ITGB4: variants seen among roughly 807,000 people sequenced by gnomAD.
The protein encoded by ITGB4 is integrin beta-4.
In ITGB4, 159 loss-of-function variants were observed where a neutral mutation model predicts 207.6. That is an observed-to-expected ratio of 0.77 (90% CI 0.67 to 0.87). The LOEUF (loss-of-function observed/expected upper bound fraction) is 0.87. Among genes scored for constraint, ITGB4 ranks in the 40% least tolerant of loss-of-function variants. The pLI, the probability that ITGB4 is intolerant of heterozygous loss-of-function variation, is 0.00. For synonymous variants in ITGB4, 1,020 were observed against 1,062.7 expected (o/e 0.96, Z 0.78); for missense variants, 2,278 against 2,546.8 (o/e 0.89, Z 2.27).
In ITGB4 at chr17:75,757,280, C is replaced by A; in HGVS notation, c.5299C>A (p.His1767Asn). The change falls in exon 39 of 40, where the codon CAC becomes AAC. Residue 1767 changes from histidine to asparagine, a missense_variant. By Grantham distance (68) the His-to-Asn change is moderately conservative. Coordinates refer to ENST00000200181, the MANE Select transcript of ITGB4 (RefSeq NM_000213.5). ...QSEYSSITTT[H>N]TSATEPFLVD... ...CGAGTACAGCAGCATCACCACCACC[C>A]ACACCAGCGCCACCGAGCCCTTCCT... 6.2e-7 allele frequency: 1 copy of A among 1,611,126 alleles called. No individual in the cohort carries two copies.
Position 75,752,125 on chromosome 17 carries a change from G to A in ITGB4, c.3794-49G>A, listed in dbSNP as rs369850874. On this transcript the variant is annotated intron_variant, in intron 30 of 39. Transcript: ENST00000200181. ...CCTGCTGTGTCAGGGGTGGTGTTGG[G>A]ACCAGGCTGGGACCTGGGTGACCCT... 244 of 1,590,916 alleles carry A rather than the reference G, an allele frequency of 1.5e-4. 1 individual carries two copies. Among genetic ancestry groups the A allele is most frequent in the Non-Finnish European group, 2.1e-4 (239 of 1,159,628 alleles).
chr17:75,752,542 C>T lies in ITGB4; in HGVS notation c.4073C>T (p.Ser1358Leu), dbSNP rs368526254. 2.8e-5 allele frequency: 45 copies of T among 1,613,614 alleles called. No individual in the cohort carries two copies. Among genetic ancestry groups the T allele is most frequent in the Admixed American group, 1.5e-4 (9 of 60,028 alleles). Residue 1358 changes from serine to leucine, a missense_variant, in exon 32 of 40, where the codon TCG (serine) becomes TTG (leucine). By Grantham distance (145) the Ser-to-Leu change is moderately radical (BLOSUM62 -2). Coordinates refer to ENST00000200181, the MANE Select transcript of ITGB4 (RefSeq NM_000213.5). ...MYSDDVLRSP[S>L]GSQRPSVSDD... ...AGCGATGACGTTCTACGCTCTCCAT[C>T]GGGCAGCCAGAGGCCCAGCGTCTCC...
rs2061046429 is a variant in ITGB4, at chr17:75,739,042, C to T, written c.2221-630C>T. Among the ~76,000 whole-genome samples, 1 of 151,726 alleles carries T rather than the reference C, an allele frequency of 6.6e-6. No homozygotes were observed. Among genetic ancestry groups the T allele is most frequent in the Non-Finnish European group, 1.5e-5 (1 of 67,910 alleles). On this transcript the variant is annotated intron_variant, in intron 18 of 39. Transcript: ENST00000200181. This position sits in a 1 kb window ranked among gnomAD's most constrained non-coding sequence, Gnocchi z 5.4. Reference sequence around the variant, plus strand: ...AAGTTACAGTGGCTCACACTTGTAACCCCAGCACTTTGGGAGGCCAAGGCG... The same window carrying T: ...AAGTTACAGTGGCTCACACTTGTAATCCCAGCACTTTGGGAGGCCAAGGCG...
At position 75,753,797 on chromosome 17, in the gene ITGB4, G is replaced by A. The variant is rs1396333869; in HGVS notation, c.4141G>A (p.Glu1381Lys). 6.8e-7 allele frequency: 1 copy of A among 1,461,984 alleles called. No homozygotes were observed. The highest frequency in any genetic ancestry group is 2.7e-5 in the East Asian group (1 of 36,404). The allele number at this position is 1,461,984 out of a possible 1,614,324, so 90.6% of individuals were successfully genotyped here. Residue 1381 changes from glutamate to lysine, a missense_variant, in exon 33 of 40, where the codon GAG (glutamate) becomes AAG (lysine). By Grantham distance (56) the Glu-to-Lys change is moderately conservative. Coordinates refer to ENST00000200181, the MANE Select transcript of ITGB4 (RefSeq NM_000213.5). ...CGWKFEPLLG[E>K]ELDLRRVTWR... Reference sequence around the variant, plus strand: ...CTGGAAGTTCGAGCCCCTGCTGGGGGAGGAGCTGGACCTGCGGCGCGTCAC... The same window carrying A: ...CTGGAAGTTCGAGCCCCTGCTGGGGAAGGAGCTGGACCTGCGGCGCGTCAC...
intron 1 of ITGB4, among the ~76,000 whole-genome samples, chr17:75,723,749 C>A (rs925773257): frequency 5.3e-5 from 8 of 152,242 alleles, no homozygotes; most frequent in Non-Finnish European, 1.0e-4. Flanking sequence ...ATGGGGAGGG[C>A]CCGTGGGCAG....
In ITGB4 at chr17:75,743,767, A is replaced by T. The variant is rs371525263; in HGVS notation, c.3017A>T (p.Gln1006Leu). The change falls in exon 26 of 40, where the codon CAG (glutamine) becomes CTG (leucine). Residue 1006 changes from glutamine (Q) to leucine (L), a missense_variant. Gln to Leu is a moderately radical substitution (Grantham distance 113, BLOSUM62 -2). Transcript: ENST00000200181. Reference sequence around the variant, plus strand: ...GAGTTCTCGGTCAGCCGCGGGGACCAGGTGGCCCGCATCCCTGTCATCCGG... The same window carrying T: ...GAGTTCTCGGTCAGCCGCGGGGACCTGGTGGCCCGCATCCCTGTCATCCGG... ...QPEFSVSRGD[Q>L]VARIPVIRRV... is the part of the protein sequence containing the mutation. 15 of 1,613,396 alleles carry T rather than the reference A, an allele frequency of 9.3e-6. No homozygotes were observed. Among genetic ancestry groups the T allele is most frequent in the East Asian group, 6.7e-5 (3 of 44,892 alleles).
Position 75,733,540 on chromosome 17 carries a change from C to G in ITGB4, c.1505C>G (p.Pro502Arg). The G allele has an allele frequency of 6.2e-7, 1 of 1,613,888 alleles. No individual in the cohort carries two copies. Among genetic ancestry groups the G allele is most frequent in the Non-Finnish European group, 8.5e-7 (1 of 1,180,036 alleles). The stretch of plus-strand genomic sequence containing the variant: ...ACCGGCTCTCTGAGTGACATTCAGC[C>G]CTGCCTGCGGGAGGGCGAGGACAAG... ...CSTGSLSDIQ[P>R]CLREGEDKPC... Residue 502 changes from proline to arginine, a missense_variant, in exon 13 of 40, where the codon CCC (proline) becomes CGC (arginine). Coordinates refer to ENST00000200181, the MANE Select transcript of ITGB4 (RefSeq NM_000213.5).
Position 75,739,954 on chromosome 17 carries a change from C to T in ITGB4, c.2329C>T (p.Pro777Ser), listed in dbSNP as rs140949891. The T allele has an allele frequency of 1.9e-6, 3 of 1,613,246 alleles. No homozygotes were observed. Among genetic ancestry groups the T allele is most frequent in the African/African-American group, 1.3e-5 (1 of 75,060 alleles). Residue 777 changes from proline (P) to serine (S), a missense_variant, in exon 20 of 40, where the codon CCC (proline) becomes TCC (serine). Transcript: ENST00000200181. The surrounding 1 kb of genome is among the most constrained non-coding windows in gnomAD (Gnocchi z 5.4). ...GATGGCCTCTGACCACTTGGACACG[C>T]CCATGCTGCGCAGCGGGAACCTCAA... is the stretch of plus-strand genomic sequence containing the variant. ...NLMASDHLDT[P>S]MLRSGNLKGR... is the part of the protein sequence containing the mutation.
intron 18 of ITGB4, among the ~76,000 whole-genome samples, chr17:75,737,950 T>C (rs1041871799): frequency 4.7e-5 from 7 of 149,468 alleles, no homozygotes; most frequent in African/African-American, 1.5e-4. Flanking sequence ...CCCACCAGGG[T>C]CCCCAGCCTC....
intron 34 of ITGB4, chr17:75,755,028 TCTCA>T (rs751314691): frequency 2.2e-5 from 35 of 1,586,998 alleles, no homozygotes; most frequent in African/African-American, 4.0e-5. Flanking sequence ...TCCCTGCTCC[TCTCA>T]CTCTTGTTTT....
chr17:75,731,891 G>A lies in ITGB4; in HGVS notation c.1295G>A (p.Gly432Asp), dbSNP rs140201409. 4.3e-6 allele frequency: 7 copies of A among 1,614,036 alleles called. No homozygotes were observed. The highest frequency in any genetic ancestry group is 1.7e-5 in the Admixed American group (1 of 60,018). The change falls in exon 11 of 40, where the codon GGC becomes GAC. Residue 432 changes from glycine to aspartate, a missense_variant. Coordinates refer to ENST00000200181, the MANE Select transcript of ITGB4 (RefSeq NM_000213.5). The surrounding 1 kb of genome is among the most constrained non-coding windows in gnomAD (Gnocchi z 6.8). ...TGCCAGCTGCCGGAGGACCAGAAGG[G>A]CAACATCCATCTGAAACCTTCCTTC... ...HVCQLPEDQK[G>D]NIHLKPSFSD...
Position 75,750,018 on chromosome 17 carries a change from G to T in ITGB4, c.3317-93G>T. Reference sequence around the variant, plus strand: ...GGCAGGTCTGAGTTGAATGCGCTGGGTAGAGCGCCCTGGGTGTTGAAGTGG... The same window carrying T: ...GGCAGGTCTGAGTTGAATGCGCTGGTTAGAGCGCCCTGGGTGTTGAAGTGG... On this transcript the variant is annotated intron_variant, in intron 27 of 39. Transcript: ENST00000200181. The surrounding 1 kb of genome is among the most constrained non-coding windows in gnomAD (Gnocchi z 5.5). 1 of 1,520,552 alleles carries T rather than the reference G, an allele frequency of 6.6e-7. No homozygotes were observed. Among genetic ancestry groups the T allele is most frequent in the Non-Finnish European group, 9.1e-7 (1 of 1,096,302 alleles). The allele number at this position is 1,520,552 out of a possible 1,614,324, so 94.2% of individuals were successfully genotyped here. A position where few individuals can be genotyped will look rare whatever the true frequency, so the allele number is the denominator to read the frequency against.
chr17:75,755,238 C>G, intron 34 of ITGB4: 1 of 1,593,620 alleles, frequency 6.3e-7, no homozygotes, highest in South Asian at 1.1e-5. Context: ...GCCATCCTGT[C>G]TCCACAGCTG....
chr17:75,728,509 GT>G, intron 6 of ITGB4, 36 bp downstream of exon 6: 1 of 1,533,080 alleles, frequency 6.5e-7, no homozygotes, highest in Non-Finnish European at 9.0e-7. Flanking sequence ...GTGGGCAAGG[GT>G]CCAGGCCATG....
intron 26 of ITGB4, among the ~76,000 whole-genome samples, chr17:75,745,443 A>G (rs1441129159): frequency 2.0e-5 from 3 of 152,024 alleles, no homozygotes; most frequent in African/African-American, 4.8e-5. Context: ...AAACAAAGAA[A>G]CAAAACCTGG....
chr17:75,740,978 A>G lies in ITGB4; in HGVS notation c.2610-4A>G. 1 of 1,613,924 alleles carries G rather than the reference A, an allele frequency of 6.2e-7. No individual in the cohort carries two copies. On this transcript the variant is annotated splice_region_variant and splice_polypyrimidine_tract_variant and intron_variant, in intron 22 of 39. Coordinates refer to ENST00000200181, the MANE Select transcript of ITGB4 (RefSeq NM_000213.5). The surrounding 1 kb of genome is among the most constrained non-coding windows in gnomAD (Gnocchi z 5.9). ...AGCTCACAGCGCCCTCTTTGTCCCC[A>G]CAGGCAGCAGCCCAATGCCGGGAAA...
In ITGB4 at chr17:75,752,263, C is replaced by G. The variant is rs1299861287; in HGVS notation, c.3883C>G (p.Arg1295Gly). Reference protein sequence around the residue: ...IENLRESQPYRYTVKARNGAG... With the variant: ...IENLRESQPYGYTVKARNGAG... ...GAACCTTCGGGAGTCCCAGCCCTAC[C>G]GCTACACGGTGAAGGCGCGCAACGG... The change falls in exon 31 of 40, where the codon CGC becomes GGC. Residue 1295 changes from arginine (R) to glycine (G), a missense_variant. Transcript: ENST00000200181. 3 of 1,613,404 alleles carry G rather than the reference C, an allele frequency of 1.9e-6. No homozygotes were observed. Among genetic ancestry groups the G allele is most frequent in the South Asian group, 1.1e-5 (1 of 91,092 alleles).
chr17:75,731,865 G>A lies in ITGB4; in HGVS notation c.1269G>A (p.Val423=). The A allele has an allele frequency of 6.2e-7, 1 of 1,613,528 alleles. No individual in the cohort carries two copies. Among genetic ancestry groups the A allele is most frequent in the Admixed American group, 1.7e-5 (1 of 59,956 alleles). ...TTGAGCACGTGGATGGGACGCACGTGTGCCAGCTGCCGGAGGACCAGAAGG... is the reference window on the plus strand; with the variant it reads ...TTGAGCACGTGGATGGGACGCACGTATGCCAGCTGCCGGAGGACCAGAAGG... ...RALEHVDGTH[V]CQLPEDQKGN... The change falls in exon 11 of 40, where the codon GTG becomes GTA. Residue 423 remains valine (V), a synonymous_variant. Transcript: ENST00000200181. The surrounding 1 kb of genome is among the most constrained non-coding windows in gnomAD (Gnocchi z 6.8).
intron 26 of ITGB4, among the ~76,000 whole-genome samples, chr17:75,746,929 C>CA (rs56351330): frequency 0.072 from 5,048 of 70,374 alleles, 209 homozygotes; most frequent in Non-Finnish European, 0.084. Flanking sequence ...ACCCCTGTCT[C>CA]AAAAAAAAAA....
Sources: allele counts gnomAD v4.1 joint callset (sites outside exome capture counted in the v4.1 genomes callset), GRCh38; gene constraint gnomAD v4.1.1; non-coding constraint Gnocchi (gnomAD v3.1); transcripts MANE v1.5; gene names NCBI Gene and HGNC (gene_info 2026-07-23, HGNC 2026-07-21).